Variants in CALD1 observed in about 807,000 individuals in gnomAD.
The protein encoded by CALD1 is caldesmon 1, also known as caldesmon.
In CALD1, 33 loss-of-function variants were observed where a neutral mutation model predicts 99.9. That is an observed-to-expected ratio of 0.33 (90% CI 0.25 to 0.44). The LOEUF (loss-of-function observed/expected upper bound fraction) is 0.44, where lower values mean the gene tolerates loss of function less well. Ranked by LOEUF, CALD1 falls within the 20% of genes least tolerant of loss-of-function variation. The pLI, the probability that CALD1 is intolerant of heterozygous loss-of-function variation, is 1.00. For synonymous variants in CALD1, 310 were observed against 325.0 expected (o/e 0.95, Z 0.50); for missense variants, 861 against 962.1 (o/e 0.89, Z 1.39).
upstream of CALD1, among the ~76,000 whole-genome samples, chr7:134,742,437 C>T (rs1034978162): frequency 2.0e-5 from 3 of 152,218 alleles, no homozygotes; most frequent in Admixed American, 1.3e-4. Flanking sequence ...GGGATCCAGA[C>T]ATTCCAGGCT....
the CALD1 span, among the ~76,000 whole-genome samples, chr7:134,716,234 T>C: frequency 6.6e-6 from 1 of 152,192 alleles, no homozygotes; most frequent in African/African-American, 2.4e-5. Context: ...GAAAATGGAA[T>C]GTACCATCAG....
chr7:134,785,530 A>G (rs534426207), intron 1 of CALD1, among the ~76,000 whole-genome samples: 4 of 152,342 alleles, frequency 2.6e-5, no homozygotes, highest in African/African-American at 9.6e-5. Context: ...GAAGTTTCAG[A>G]TCTAAGCAAT....
At chr7:134,833,812 C>G (rs1401722364) in intron 1 of CALD1, among the ~76,000 whole-genome samples, 1 of 152,176 alleles carries the variant, frequency 6.6e-6, no homozygotes, top group Non-Finnish European at 1.5e-5. Context: ...GTCTCCTTAG[C>G]AACTCCCATT....
At chr7:134,804,960 A>G (rs1176498429) in intron 1 of CALD1, among the ~76,000 whole-genome samples, 11 of 152,180 alleles carry the variant, frequency 7.2e-5, no homozygotes, top group Admixed American at 7.2e-4. Context: ...CAGGATGGGA[A>G]TTTTTAAGGG....
At chr7:134,781,240 TTTTTC>T (rs1434140055) in intron 1 of CALD1, among the ~76,000 whole-genome samples, 4 of 152,062 alleles carry the variant, frequency 2.6e-5, no homozygotes, top group Admixed American at 6.5e-5. Flanking sequence ...TGGAGAGCAA[TTTTTC>T]TTTTAACTGT....
At chr7:134,853,091 C>T (rs1265950413) in intron 2 of CALD1, among the ~76,000 whole-genome samples, 1 of 152,180 alleles carries the variant, frequency 6.6e-6, no homozygotes, top group Non-Finnish European at 1.5e-5. Flanking sequence ...CCCACCTTAG[C>T]TGCATGAAGT....
intron 3 of CALD1, chr7:134,891,347 A>C: frequency 2.5e-6 from 3 of 1,207,974 alleles, no homozygotes; most frequent in Non-Finnish European, 3.1e-6. Flanking sequence ...CTTCTATTAG[A>C]GAGATTACAG....
intron 1 of CALD1, among the ~76,000 whole-genome samples, chr7:134,825,290 A>C (rs1436448986): frequency 6.6e-6 from 1 of 152,112 alleles, no homozygotes; most frequent in Admixed American, 6.5e-5. Flanking sequence ...GTAGACCTGA[A>C]CTTCACTTCC....
intron 1 of CALD1, among the ~76,000 whole-genome samples, chr7:134,770,668 C>A (rs955026805): frequency 6.6e-6 from 1 of 152,108 alleles, no homozygotes; most frequent in African/African-American, 2.4e-5. Flanking sequence ...ATATTGAGAT[C>A]CTTAACTATA....
intron 2 of CALD1, among the ~76,000 whole-genome samples, chr7:134,851,043 A>C (rs192661831): frequency 4.4e-4 from 67 of 152,296 alleles, no homozygotes; most frequent in Admixed American, 1.1e-3. Context: ...TCAATTAAAC[A>C]TCTTTCCTTT....
At chr7:134,891,659 G>A in intron 3 of CALD1, 1 of 1,606,694 alleles carries the variant, frequency 6.2e-7, no homozygotes, top group Non-Finnish European at 8.5e-7. Flanking sequence ...GACGCAGCCT[G>A]GCCGCGCTCT....
At chr7:134,859,569 T>C (rs1800473835) in intron 2 of CALD1, among the ~76,000 whole-genome samples, 1 of 152,226 alleles carries the variant, frequency 6.6e-6, no homozygotes, top group African/African-American at 2.4e-5. Flanking sequence ...TTCAAGTTGG[T>C]TTAGAAATTA....
At chr7:134,817,992 C>A (rs1256758758) in intron 1 of CALD1, among the ~76,000 whole-genome samples, 1 of 151,996 alleles carries the variant, frequency 6.6e-6, no homozygotes, top group African/African-American at 2.4e-5. Context: ...TGTAATAAAC[C>A]CAAAAGAGTT....
In CALD1 at chr7:134,783,127, T is replaced by G. The variant is rs3778837; in HGVS notation, c.-130+3378T>G. 0.096 allele frequency among the ~76,000 whole-genome samples: 14,551 copies of G among 152,212 alleles called. 1,510 individuals are homozygous for G. The highest frequency in any genetic ancestry group is 0.27 in the East Asian group (1,413 of 5,174). On this transcript the variant is annotated intron_variant, in intron 1 of 14. Coordinates refer to ENST00000361675, the MANE Select transcript of CALD1 (RefSeq NM_033138.4). This position sits in a 1 kb window ranked among gnomAD's most constrained non-coding sequence, Gnocchi z 4.3. The stretch of plus-strand genomic sequence containing the variant: ...GGAATGAACCCCGGAACGTCATGCC[T>G]GGGCCTTGTAGGAAGGGCAAGGAAG...
At chr7:134,930,339 GGAT>G (rs1208518200) in intron 4 of CALD1, among the ~76,000 whole-genome samples, 1 of 152,104 alleles carries the variant, frequency 6.6e-6, no homozygotes, top group Admixed American at 6.5e-5. Context: ...AAAAAGATGA[GGAT>G]ATTTGAGGAG....
chr7:134,903,674 GGTCT>G lies in CALD1; in HGVS notation c.72-25073_72-25070del, dbSNP rs949661770. Among the ~76,000 whole-genome samples, 6 of 152,136 alleles carry G rather than the reference GGTCT, an allele frequency of 3.9e-5. 1 individual carries two copies. The highest frequency in any genetic ancestry group is 1.4e-4 in the African/African-American group (6 of 41,446). On this transcript the variant is annotated intron_variant, in intron 3 of 14. Coordinates refer to ENST00000361675, the MANE Select transcript of CALD1 (RefSeq NM_033138.4). ...CTTCTTAGCGTCTGCCCTCTGTGCA[GGTCT>G]GTCTGTGTCTGAAGCCAAATGTCCC... is the stretch of plus-strand genomic sequence containing the variant.
At chr7:134,919,432 G>C (rs1349538686) in intron 3 of CALD1, among the ~76,000 whole-genome samples, 1 of 152,198 alleles carries the variant, frequency 6.6e-6, no homozygotes, top group Non-Finnish European at 1.5e-5. Context: ...TATTTCCCCT[G>C]TTAGGGTCTG....
chr7:134,884,652 A>G (rs1227902436), intron 3 of CALD1, among the ~76,000 whole-genome samples: 2 of 146,774 alleles, frequency 1.4e-5, no homozygotes, highest in Non-Finnish European at 3.0e-5. Context: ...AAAAAAGGCC[A>G]ATCTTTAGAA....
chr7:134,960,145 G>A, intron 12 of CALD1, 34 bp downstream of exon 12: 1 of 1,609,592 alleles, frequency 6.2e-7, no homozygotes, highest in Non-Finnish European at 8.5e-7. Context: ...TAAGTGTAGA[G>A]GGGCATATTT....
Sources: allele counts gnomAD v4.1 joint callset (sites outside exome capture counted in the v4.1 genomes callset), GRCh38; gene constraint gnomAD v4.1.1; non-coding constraint Gnocchi (gnomAD v3.1); transcripts MANE v1.5; gene names NCBI Gene and HGNC (gene_info 2026-07-23, HGNC 2026-07-21).